The following STRAP variants were observed in gnomAD, a reference collection of about 807,000 sequenced individuals.
STRAP encodes serine/threonine kinase receptor associated protein.
A neutral mutation model predicts 47.0 loss-of-function variants in STRAP; 16 were observed. The observed-to-expected ratio is 0.34, with a 90% confidence interval of 0.23 to 0.52. The LOEUF is 0.52. Among genes scored for constraint, STRAP ranks in the 20% least tolerant of loss-of-function variants. STRAP has a pLI of 0.96. For missense variants in STRAP, 293 were observed against 420.0 expected (o/e 0.70, Z 2.64); for synonymous variants, 130 against 142.7 (o/e 0.91, Z 0.63).
Position 15,896,293 on chromosome 12 carries a change from A to T in STRAP, c.638+797A>T, listed in dbSNP as rs1269685109. Among the ~76,000 whole-genome samples the T allele has an allele frequency of 6.6e-6, 1 of 152,196 alleles. No homozygotes were observed. Among genetic ancestry groups the T allele is most frequent in the African/African-American group, 2.4e-5 (1 of 41,464 alleles). On this transcript the variant is annotated intron_variant, in intron 6 of 9. Coordinates refer to ENST00000419869, the MANE Select transcript of STRAP (RefSeq NM_007178.4). This position sits in a 1 kb window ranked among gnomAD's most constrained non-coding sequence, Gnocchi z 4.1. ...TGATTCTACTATTTATTTTCACCTTAAAGTTTTAGAGAAGGAATAATCTTA... is the reference window on the plus strand; with the variant it reads ...TGATTCTACTATTTATTTTCACCTTTAAGTTTTAGAGAAGGAATAATCTTA...
In STRAP at chr12:15,894,058, A is replaced by G; in HGVS notation, c.415A>G (p.Ile139Val). The change falls in exon 5 of 10, where the codon ATT (isoleucine) becomes GTT (valine). Residue 139 changes from isoleucine (I) to valine (V), a missense_variant. Around this residue, in one of 5 missense-constraint regions of STRAP, gnomAD observed 152 missense variants for 183.0 expected, o/e 0.83. Coordinates refer to ENST00000419869, the MANE Select transcript of STRAP (RefSeq NM_007178.4). The surrounding 1 kb of genome is among the most constrained non-coding windows in gnomAD (Gnocchi z 4.9). ...LNKPEAEPKE[I>V]SGHTSGIKKA... The stretch of plus-strand genomic sequence containing the variant: ...TGTTTTATCTCAAGAACCTAAGGAA[A>G]TTAGTGGTCATACTTCTGGTATAAA... 6.2e-7 allele frequency: 1 copy of G among 1,612,266 alleles called. No individual in the cohort carries two copies. The highest frequency in any genetic ancestry group is 8.5e-7 in the Non-Finnish European group (1 of 1,178,644).
chr12:15,893,362 G>A (rs1463817752), intron 4 of STRAP, among the ~76,000 whole-genome samples: 5 of 149,872 alleles, frequency 3.3e-5, no homozygotes, highest in Non-Finnish European at 7.4e-5. Flanking sequence ...TCCTGAGTCC[G>A]TGTTCTTATT....
rs533223528 is a variant in STRAP at position 15,882,896 on chromosome 12, C to T, written c.112+77C>T. Reference sequence around the variant, plus strand: ...GATCGGGACCCGCACGCTCCAGTGCCGAAGCGGTGGTGTGGTGAGGGGGGA... The same window carrying T: ...GATCGGGACCCGCACGCTCCAGTGCTGAAGCGGTGGTGTGGTGAGGGGGGA... On this transcript the variant is annotated intron_variant, in intron 1 of 9. Coordinates refer to ENST00000419869, the MANE Select transcript of STRAP (RefSeq NM_007178.4). 2.6e-5 allele frequency: 39 copies of T among 1,473,276 alleles called. No individual in the cohort carries two copies. The East Asian group carries it at 4.1e-4, about 15-fold the overall frequency. The allele number at this position is 1,473,276 out of a possible 1,614,324, so 91.3% of individuals were successfully genotyped here. A position where few individuals can be genotyped will look rare whatever the true frequency, so the allele number is the denominator to read the frequency against.
rs530840352 is a variant in STRAP, at chr12:15,884,945, C to G, written c.248+1269C>G. 1.0e-3 allele frequency among the ~76,000 whole-genome samples: 157 copies of G among 152,226 alleles called. 1 individual carries two copies. The highest frequency in any genetic ancestry group is 3.6e-3 in the African/African-American group (150 of 41,536). ...CTAATCTTATTGTTGCCAGAATATA[C>G]CTTACCTGTTCTGACTTTTGGCGGT... On this transcript the variant is annotated intron_variant, in intron 2 of 9. Coordinates refer to ENST00000419869, the MANE Select transcript of STRAP (RefSeq NM_007178.4).
chr12:15,899,674 G>C (rs2136113592), intron 7 of STRAP, among the ~76,000 whole-genome samples: 1 of 152,164 alleles, frequency 6.6e-6, no homozygotes, highest in Non-Finnish European at 1.5e-5. Flanking sequence ...GCTTTTTTTA[G>C]AGGGACAGTT....
chr12:15,894,321 C>T lies in STRAP; in HGVS notation c.500+178C>T, dbSNP rs924261105. Among the ~76,000 whole-genome samples, 6 of 152,148 alleles carry T rather than the reference C, an allele frequency of 3.9e-5. No individual in the cohort carries two copies. The highest frequency in any genetic ancestry group is 1.9e-4 in the East Asian group (1 of 5,172). On this transcript the variant is annotated intron_variant, in intron 5 of 9. Transcript: ENST00000419869. The surrounding 1 kb of genome is among the most constrained non-coding windows in gnomAD (Gnocchi z 4.9). Reference sequence around the variant, plus strand: ...GAAAATTACAAAACTTAGCCAAGCGCGGTGGCACACACCTATAATCCCAGC... The same window carrying T: ...GAAAATTACAAAACTTAGCCAAGCGTGGTGGCACACACCTATAATCCCAGC...
intron 2 of STRAP, among the ~76,000 whole-genome samples, chr12:15,885,049 C>T (rs1947957609): frequency 6.6e-6 from 1 of 152,098 alleles, no homozygotes; most frequent in African/African-American, 2.4e-5. Flanking sequence ...ATCTTGTTAT[C>T]TCCAGTTCCT....
chr12:15,902,885 C>CTTTTTT (rs71042274), intron 9 of STRAP, 32 bp from the exon 10 acceptor site: 766 of 1,102,624 alleles, frequency 6.9e-4, no homozygotes, highest in South Asian at 2.8e-3. Flanking sequence ...ACTAATGTGA[C>CTTTTTT]TTTTTTTTTT....
intron 7 of STRAP, 106 bp from the exon 8 acceptor site, chr12:15,899,798 T>C: frequency 9.0e-7 from 1 of 1,105,850 alleles, no homozygotes; most frequent in East Asian, 2.5e-5. Context: ...ATGTTTGCCT[T>C]AAGAATTTTC....
rs927408138 is a variant in STRAP at position 15,896,420 on chromosome 12, A to G, written c.638+924A>G. Among the ~76,000 whole-genome samples, 5 of 152,216 alleles carry G rather than the reference A, an allele frequency of 3.3e-5. No homozygotes were observed. Among genetic ancestry groups the G allele is most frequent in the Non-Finnish European group, 5.9e-5 (4 of 68,028 alleles). On this transcript the variant is annotated intron_variant, in intron 6 of 9. Transcript: ENST00000419869. The surrounding 1 kb of genome is among the most constrained non-coding windows in gnomAD (Gnocchi z 4.1). ...TACTCTTGGAGAAAGACTGGAATAT[A>G]TAACATAATTGAAAAAAATGTACCC...
In STRAP at chr12:15,900,068, T is replaced by G; in HGVS notation, c.925+15T>G. On this transcript the variant is annotated intron_variant, in intron 8 of 9. Coordinates refer to ENST00000419869, the MANE Select transcript of STRAP (RefSeq NM_007178.4). ...TGTGCTTCCTGGTAAGAATTTTTATTCAGAATAATAAAATTTTTAAAATGC... is the reference window on the plus strand; with the variant it reads ...TGTGCTTCCTGGTAAGAATTTTTATGCAGAATAATAAAATTTTTAAAATGC... The G allele has an allele frequency of 6.3e-7, 1 of 1,597,460 alleles. No homozygotes were observed. The highest frequency in any genetic ancestry group is 8.5e-7 in the Non-Finnish European group (1 of 1,174,276).
rs1255498408 is a variant in STRAP, at chr12:15,895,494, A to G, written c.636A>G (p.Val212=). 1 of 1,595,398 alleles carries G rather than the reference A, an allele frequency of 6.3e-7. No individual in the cohort carries two copies. Among genetic ancestry groups the G allele is most frequent in the Non-Finnish European group, 8.5e-7 (1 of 1,175,166 alleles). The change falls in exon 6 of 10, where the codon GTA becomes GTG. Residue 212 remains valine, a splice_region_variant and synonymous_variant. Coordinates refer to ENST00000419869, the MANE Select transcript of STRAP (RefSeq NM_007178.4). ...GATCTATTGCTTTTCATAGTGCAGT[A>G]AGGTATGTCCAAGAAATACTTTCAT... ...YGRSIAFHSA[V]SLDPIKSFEA... is the part of the protein sequence containing the mutation.
At chr12:15,902,012 T>C (rs1348757384) in intron 9 of STRAP, among the ~76,000 whole-genome samples, 1 of 152,124 alleles carries the variant, frequency 6.6e-6, no homozygotes, top group Non-Finnish European at 1.5e-5. Flanking sequence ...AGTCTTGCTC[T>C]GTTGCCCAGG....
chr12:15,882,728 G>T lies in STRAP; in HGVS notation c.21G>T (p.Pro7=). ...CCGCCATGGCAATGAGACAGACGCC[G>T]CTCACCTGCTCTGGCCACACGCGAC... MAMRQT[P]LTCSGHTRPV... Residue 7 remains proline, a synonymous_variant, in exon 1 of 10, where the codon CCG becomes CCT. Transcript: ENST00000419869. 1 of 1,596,120 alleles carries T rather than the reference G, an allele frequency of 6.3e-7. No individual in the cohort carries two copies. The highest frequency in any genetic ancestry group is 2.3e-5 in the East Asian group (1 of 43,274).
intron 4 of STRAP, among the ~76,000 whole-genome samples, chr12:15,892,577 A>C (rs1948025687): frequency 6.6e-6 from 1 of 152,352 alleles, no homozygotes; most frequent in East Asian, 1.9e-4. Flanking sequence ...TTGGAAATTA[A>C]GCGGTTATTC....
At chr12:15,888,536 G>A (rs1947989564) in intron 2 of STRAP, among the ~76,000 whole-genome samples, 1 of 152,118 alleles carries the variant, frequency 6.6e-6, no homozygotes, top group Admixed American at 6.6e-5. Flanking sequence ...GCAAGCTTTG[G>A]TAGTGTATCA....
chr12:15,902,587 G>T (rs2136115256), intron 9 of STRAP, among the ~76,000 whole-genome samples: 1 of 152,316 alleles, frequency 6.6e-6, no homozygotes, highest in East Asian at 1.9e-4. Context: ...AAAAGAGAGG[G>T]CCAGATCCTT....
rs74063294 is a variant in STRAP at position 15,901,151 on chromosome 12, T to G, written c.991+139T>G. On this transcript the variant is annotated intron_variant, in intron 9 of 9. Transcript: ENST00000419869. ...AATGGAAACTTTAAATATTTATGCATGTATATATACATATTTATAAGCTAA... is the reference window on the plus strand; with the variant it reads ...AATGGAAACTTTAAATATTTATGCAGGTATATATACATATTTATAAGCTAA... 0.033 allele frequency: 18,442 copies of G among 553,334 alleles called. 2,541 individuals are homozygous for G. The highest frequency in any genetic ancestry group is 0.3 in the African/African-American group (15,648 of 52,010). 34.3% of individuals were successfully genotyped at this position (553,334 alleles called of 1,614,324 possible).
intron 9 of STRAP, among the ~76,000 whole-genome samples, chr12:15,902,629 T>C (rs1182882989): frequency 6.6e-6 from 1 of 152,214 alleles, no homozygotes; most frequent in Non-Finnish European, 1.5e-5. Context: ...GGGTTTGTTA[T>C]ATAGCTGGAG....
Sources: allele counts gnomAD v4.1 joint callset (sites outside exome capture counted in the v4.1 genomes callset), GRCh38; gene constraint gnomAD v4.1.1; regional missense constraint gnomAD v4.1.1; non-coding constraint Gnocchi (gnomAD v3.1); transcripts MANE v1.5; gene names NCBI Gene and HGNC (gene_info 2026-07-23, HGNC 2026-07-21).